TRERF1: variants seen among roughly 807,000 people sequenced by gnomAD.
TRERF1 encodes the protein transcriptional-regulating factor 1.
Under a neutral mutation model 122.9 loss-of-function variants are expected in TRERF1, and 27 were observed. The observed-to-expected ratio is 0.22, with a 90% CI of 0.16 to 0.30. The LOEUF is 0.30. Among genes scored for constraint, TRERF1 ranks in the 10% least tolerant of loss-of-function variants. The pLI is 1.00. For missense variants in TRERF1, 1,248 were observed against 1,560.3 expected (o/e 0.80, Z 3.37); for synonymous variants, 636 against 641.7 (o/e 0.99, Z 0.13).
intron 3 of TRERF1, among the ~76,000 whole-genome samples, chr6:42,303,245 A>G (rs1335928544): frequency 6.6e-6 from 1 of 152,232 alleles, no homozygotes; most frequent in African/African-American, 2.4e-5. Context: ...CTTACAATCA[A>G]GTGCAAGAAG....
intron 2 of TRERF1, among the ~76,000 whole-genome samples, chr6:42,449,232 C>A (rs928750641): frequency 1.3e-5 from 2 of 152,244 alleles, no homozygotes; most frequent in Non-Finnish European, 2.9e-5. Context: ...CAAAATTAAT[C>A]TTCTCATACA....
chr6:42,390,833 G>C (rs1237386610), intron 2 of TRERF1, among the ~76,000 whole-genome samples: 4 of 152,146 alleles, frequency 2.6e-5, no homozygotes, highest in African/African-American at 9.7e-5. Flanking sequence ...TTACAGCTGG[G>C]GGCAAGGGGA....
At chr6:42,345,319 G>GCACA (rs1473193031) in intron 3 of TRERF1, among the ~76,000 whole-genome samples, 4 of 152,118 alleles carry the variant, frequency 2.6e-5, no homozygotes, top group Non-Finnish European at 4.4e-5. Flanking sequence ...TTGTGCATGT[G>GCACA]CACACACACA....
intron 2 of TRERF1, among the ~76,000 whole-genome samples, chr6:42,445,430 C>A (rs1178423757): frequency 6.6e-6 from 1 of 151,654 alleles, no homozygotes; most frequent in Admixed American, 6.6e-5. Context: ...TCTCTCTCCA[C>A]GGGCTCCTTA....
At chr6:42,266,870 G>C (rs1779291514) in intron 5 of TRERF1, among the ~76,000 whole-genome samples, 1 of 152,164 alleles carries the variant, frequency 6.6e-6, no homozygotes, top group Non-Finnish European at 1.5e-5. Context: ...AGAATGCTAT[G>C]GGATGGGGCA....
intron 2 of TRERF1, among the ~76,000 whole-genome samples, chr6:42,422,241 C>T (rs528878019): frequency 2.1e-4 from 32 of 151,740 alleles, no homozygotes; most frequent in Non-Finnish European, 3.4e-4. Context: ...TCCTCCTAGC[C>T]GGGCACAGTG....
intron 4 of TRERF1, among the ~76,000 whole-genome samples, chr6:42,297,355 C>T (rs1262591653): frequency 6.6e-6 from 1 of 152,148 alleles, no homozygotes; most frequent in African/African-American, 2.4e-5. Context: ...AAGCAGGAAC[C>T]TTGGAAGGTG....
intron 3 of TRERF1, among the ~76,000 whole-genome samples, chr6:42,350,570 C>G (rs185014721): frequency 6.6e-6 from 1 of 152,310 alleles, no homozygotes; most frequent in East Asian, 1.9e-4. Context: ...ATAACTTAGA[C>G]CAGTGCCCCA....
intron 2 of TRERF1, among the ~76,000 whole-genome samples, chr6:42,396,328 C>A (rs775447393): frequency 7.9e-5 from 12 of 152,138 alleles, no homozygotes; most frequent in Admixed American, 1.3e-4. Flanking sequence ...CAAATCTGGG[C>A]CCCCACCCCT....
At chr6:42,362,356 C>G (rs375932453) in intron 3 of TRERF1, among the ~76,000 whole-genome samples, 5 of 152,368 alleles carry the variant, frequency 3.3e-5, no homozygotes, top group South Asian at 2.1e-4. Context: ...ATACCACCCC[C>G]CTTCCCCACT....
At chr6:42,264,758 C>T (rs1237189934) in exon 7 of TRERF1, 1 of 1,614,256 alleles carries the variant, frequency 6.2e-7, no homozygotes, top group East Asian at 2.2e-5. Context: ...TGTGGCCATT[C>T]AGGGCAGGCA....
At chr6:42,299,118 C>CTGTCTGTCTGTCTGTCTG in intron 4 of TRERF1, among the ~76,000 whole-genome samples, 10 of 114,982 alleles carry the variant, frequency 8.7e-5, no homozygotes, top group African/African-American at 3.5e-4. Context: ...CTGTCTGTCT[C>CTGTCTGTCTGTCTGTCTG]TATCTATCTA....
Position 42,268,060 on chromosome 6 carries a change from T to C in TRERF1, c.1437+94A>G, listed in dbSNP as rs1779523971. 17 of 1,321,842 alleles carry C rather than the reference T, an allele frequency of 1.3e-5. No homozygotes were observed. The South Asian group carries it at 3.1e-4, about 24-fold the overall frequency. 81.9% of individuals were successfully genotyped at this position (1,321,842 alleles called of 1,614,324 possible). On this transcript the variant is annotated intron_variant, in intron 5 of 17. Transcript: ENST00000372922. The surrounding 1 kb of genome is among the most constrained non-coding windows in gnomAD (Gnocchi z 4.4). The stretch of plus-strand genomic sequence containing the variant: ...GTGGAATTAGTAAAGAACAAAAGGG[T>C]TGAGGGGGCTTGGAGAGAGGATTGA...
intron 2 of TRERF1, among the ~76,000 whole-genome samples, chr6:42,400,698 G>A (rs186992786): frequency 1.4e-4 from 22 of 152,294 alleles, no homozygotes; most frequent in Non-Finnish European, 2.5e-4. Flanking sequence ...GGGAGAAGAC[G>A]AGGACTCACG....
chr6:42,251,984 C>G (rs555169566), intron 13 of TRERF1, among the ~76,000 whole-genome samples: 3 of 152,370 alleles, frequency 2.0e-5, no homozygotes, highest in African/African-American at 7.2e-5. Context: ...CTGACTCCCC[C>G]ATGCTTGGCC....
chr6:42,437,326 C>T (rs894354909), intron 2 of TRERF1, among the ~76,000 whole-genome samples: 19 of 152,164 alleles, frequency 1.2e-4, no homozygotes, highest in African/African-American at 4.6e-4. Context: ...GTGAACCACG[C>T]ACCCATCGCG....
chr6:42,322,703 T>C (rs181106766), intron 3 of TRERF1, among the ~76,000 whole-genome samples: 273 of 152,224 alleles, frequency 1.8e-3, no homozygotes, highest in African/African-American at 5.9e-3. Context: ...TGAGACTAAG[T>C]ATGAAGGGCA....
At chr6:42,407,394 T>C (rs1780328031) in intron 2 of TRERF1, among the ~76,000 whole-genome samples, 1 of 152,184 alleles carries the variant, frequency 6.6e-6, no homozygotes, top group Non-Finnish European at 1.5e-5. Context: ...ACGCTAGTCC[T>C]GGATCTGCCC....
At chr6:42,376,104 T>G (rs1384170282) in intron 2 of TRERF1, among the ~76,000 whole-genome samples, 3 of 152,136 alleles carry the variant, frequency 2.0e-5, no homozygotes, top group South Asian at 4.1e-4. Flanking sequence ...TCCCCAGATG[T>G]TGGGGTCAGC....
Sources: allele counts gnomAD v4.1 joint callset (sites outside exome capture counted in the v4.1 genomes callset), GRCh38; gene constraint gnomAD v4.1.1; non-coding constraint Gnocchi (gnomAD v3.1); transcripts MANE v1.5; gene names NCBI Gene and HGNC (gene_info 2026-07-23, HGNC 2026-07-21).